TMEM132D: variants seen among roughly 807,000 people sequenced by gnomAD.
TMEM132D encodes the protein transmembrane protein 132D, also known as mature OL transmembrane protein.
TMEM132D carries 21 observed loss-of-function variants against 62.3 expected under a neutral mutation model. The ratio of observed to expected loss-of-function variants is 0.34; its 90% confidence interval spans 0.24 to 0.49. TMEM132D has a LOEUF of 0.49. Among genes scored for constraint, TMEM132D ranks in the 20% least tolerant of loss-of-function variants. The pLI, the probability that TMEM132D is intolerant of heterozygous loss-of-function variation, is 0.99. For missense variants in TMEM132D, 1,346 were observed against 1,402.8 expected (o/e 0.96, Z 0.65); for synonymous variants, 621 against 575.6 (o/e 1.08, Z -1.13).
chr12:129,118,435 A>G (rs146281875), intron 5 of TMEM132D, among the ~76,000 whole-genome samples: 5 of 152,170 alleles, frequency 3.3e-5, no homozygotes, highest in African/African-American at 1.2e-4. Context: ...CAGCCCCAGC[A>G]CTCCCTTGGA....
intron 2 of TMEM132D, among the ~76,000 whole-genome samples, chr12:129,582,965 C>G (rs1877919161): frequency 1.3e-5 from 2 of 149,938 alleles, no homozygotes; most frequent in Admixed American, 1.3e-4. Context: ...GAGTCTCACT[C>G]TGTCACCAGG....
At position 129,074,687 on chromosome 12, in the gene TMEM132D, G is replaced by T. The variant is rs755096277; in HGVS notation, c.2488C>A (p.Pro830Thr). 3 of 1,613,948 alleles carry T rather than the reference G, an allele frequency of 1.9e-6. No individual in the cohort carries two copies. The highest frequency in any genetic ancestry group is 1.7e-5 in the Admixed American group (1 of 59,996). ...TCCTGACTCCCCCATTCCTGCGAGG[G>T]TTTTTTGGGCCTTCTGTCACTGACA... The part of the protein sequence containing the change: ...NNVSDRRPKK[P>T]SQEWGSQEGQ... The change falls in exon 9 of 9, where the codon CCC becomes ACC. Residue 830 changes from proline to threonine, a missense_variant. Coordinates refer to ENST00000422113, the MANE Select transcript of TMEM132D (RefSeq NM_133448.3).
chr12:129,606,186 G>A (rs1878620602), intron 2 of TMEM132D, among the ~76,000 whole-genome samples: 1 of 152,182 alleles, frequency 6.6e-6, no homozygotes, highest in Non-Finnish European at 1.5e-5. Context: ...ATTCTAGATG[G>A]AACCCTAGCT....
intron 4 of TMEM132D, among the ~76,000 whole-genome samples, chr12:129,297,837 A>G (rs1871896): frequency 0.58 from 88,720 of 151,926 alleles, 27,075 homozygotes; most frequent in East Asian, 0.99. Context: ...TGCTCTCCCC[A>G]ACCCCATGTT....
At chr12:129,457,331 A>T (rs1007265364) in intron 3 of TMEM132D, among the ~76,000 whole-genome samples, 2 of 150,470 alleles carry the variant, frequency 1.3e-5, no homozygotes, top group Admixed American at 6.7e-5. Flanking sequence ...TCAGCAAACT[A>T]TTGCAAGGAC....
chr12:129,822,257 C>T (rs75033538), intron 1 of TMEM132D, among the ~76,000 whole-genome samples: 3,511 of 152,094 alleles, frequency 0.023, 62 homozygotes, highest in Non-Finnish European at 0.036. Flanking sequence ...AGAGACCTGC[C>T]GGGGTCCTGA....
At chr12:129,878,761 G>T (rs1383417443) in intron 1 of TMEM132D, among the ~76,000 whole-genome samples, 1 of 151,800 alleles carries the variant, frequency 6.6e-6, no homozygotes, top group African/African-American at 2.4e-5. Context: ...TACAGAAAGG[G>T]TTTCACCATG....
intron 5 of TMEM132D, among the ~76,000 whole-genome samples, chr12:129,133,434 C>A (rs1181633573): frequency 1.3e-5 from 2 of 152,230 alleles, no homozygotes; most frequent in Non-Finnish European, 2.9e-5. Context: ...GAACTATTGG[C>A]ATTTGCAGCA....
rs1409831363 is a variant in TMEM132D, at chr12:129,803,608, C to A, written c.79+99653G>T. On this transcript the variant is annotated intron_variant, in intron 1 of 8. Coordinates refer to ENST00000422113, the MANE Select transcript of TMEM132D (RefSeq NM_133448.3). ...AGCAGGAAAGATCCAAAATTGACAC[C>A]CTAACATCACAATTAAAAGAACTAG... Among the ~76,000 whole-genome samples, 15 of 148,634 alleles carry A rather than the reference C, an allele frequency of 1.0e-4. 1 individual carries two copies. The highest frequency in any genetic ancestry group is 3.5e-4 in the African/African-American group (14 of 40,218).
At chr12:129,741,695 T>A (rs1235566827) in intron 1 of TMEM132D, among the ~76,000 whole-genome samples, 2 of 152,152 alleles carry the variant, frequency 1.3e-5, no homozygotes, top group African/African-American at 4.8e-5. Flanking sequence ...GGACTGGGAT[T>A]TTTGAAAAGG....
At chr12:129,107,021 A>G (rs1294050982) in intron 5 of TMEM132D, among the ~76,000 whole-genome samples, 1 of 152,214 alleles carries the variant, frequency 6.6e-6, no homozygotes, top group East Asian at 1.9e-4. Context: ...TTGAGATGGC[A>G]GGCAAGACCT....
intron 1 of TMEM132D, among the ~76,000 whole-genome samples, chr12:129,832,333 T>A (rs1439377088): frequency 6.6e-6 from 1 of 151,532 alleles, no homozygotes; most frequent in Non-Finnish European, 1.5e-5. Context: ...CCACATGTGT[T>A]TTACAAATTA....
At chr12:129,332,702 T>C (rs969019753) in intron 4 of TMEM132D, among the ~76,000 whole-genome samples, 3 of 152,204 alleles carry the variant, frequency 2.0e-5, no homozygotes, top group African/African-American at 7.2e-5. Context: ...TTTGACTACA[T>C]ACAAATTACA....
At chr12:129,898,106 A>G (rs1875210143) in intron 1 of TMEM132D, among the ~76,000 whole-genome samples, 2 of 152,214 alleles carry the variant, frequency 1.3e-5, no homozygotes, top group Non-Finnish European at 2.9e-5. Flanking sequence ...GTCACTCCGC[A>G]CAGTGCCTGC....
At chr12:129,718,669 G>A (rs1194279179) in intron 1 of TMEM132D, among the ~76,000 whole-genome samples, 2 of 152,096 alleles carry the variant, frequency 1.3e-5, no homozygotes, top group Admixed American at 6.5e-5. Context: ...ATGATACTGT[G>A]GTGTTTTATT....
intron 3 of TMEM132D, among the ~76,000 whole-genome samples, chr12:129,475,383 T>C (rs1874226063): frequency 6.6e-6 from 1 of 152,216 alleles, no homozygotes; most frequent in South Asian, 2.1e-4. Context: ...CAACTCTTCA[T>C]GTAGCAGAAT....
intron 3 of TMEM132D, among the ~76,000 whole-genome samples, chr12:129,394,944 A>C (rs538737010): frequency 6.6e-6 from 1 of 152,150 alleles, no homozygotes; most frequent in Non-Finnish European, 1.5e-5. Context: ...ACAGTCTTTG[A>C]CTTGTATACT....
intron 4 of TMEM132D, among the ~76,000 whole-genome samples, chr12:129,253,700 C>G (rs1433554546): frequency 6.6e-6 from 1 of 152,166 alleles, no homozygotes; most frequent in Non-Finnish European, 1.5e-5. Flanking sequence ...TGGATCATTT[C>G]TGGTGCTATC....
At chr12:129,662,812 A>AAAGAG (rs1555224287) in intron 2 of TMEM132D, among the ~76,000 whole-genome samples, 17,967 of 83,430 alleles carry the variant, frequency 0.22, 3,614 homozygotes, top group Non-Finnish European at 0.26. Flanking sequence ...AAAAAAAAAA[A>AAAGAG]AGAGAGAGAG....
Sources: allele counts gnomAD v4.1 joint callset (sites outside exome capture counted in the v4.1 genomes callset), GRCh38; gene constraint gnomAD v4.1.1; transcripts MANE v1.5; gene names NCBI Gene and HGNC (gene_info 2026-07-23, HGNC 2026-07-21).